The following SLC6A13 variants were observed in gnomAD, a reference collection of about 807,000 sequenced individuals.
SLC6A13 encodes the protein sodium- and chloride-dependent GABA transporter 2.
SLC6A13 carries 69 observed loss-of-function variants against 72.9 expected under a neutral mutation model. The ratio of observed to expected loss-of-function variants is 0.95; its 90% confidence interval spans 0.78 to 1.16. The LOEUF is 1.16. Ranked by LOEUF, SLC6A13 falls within the 50% of genes most tolerant of loss-of-function variation. The pLI, the probability that SLC6A13 is intolerant of heterozygous loss-of-function variation, is 0.00. For synonymous variants in SLC6A13, 303 were observed against 303.0 expected (o/e 1.00, Z 0.00); for missense variants, 735 against 760.5 (o/e 0.97, Z 0.39).
chr12:259,256 C>T, intron 2 of SLC6A13: 1 of 987,638 alleles, frequency 1.0e-6, no homozygotes. Flanking sequence ...AGCAGAGCTA[C>T]TACTTATTAC....
chr12:240,495 G>GC (rs1252268566), intron 4 of SLC6A13, among the ~76,000 whole-genome samples: 1 of 152,202 alleles, frequency 6.6e-6, no homozygotes, highest in African/African-American at 2.4e-5. Context: ...GTGAGCCACC[G>GC]CCCCCAGACT....
chr12:250,173 C>G lies in SLC6A13; in HGVS notation c.203-6360G>C, dbSNP rs78050374. On this transcript the variant is annotated intron_variant, in intron 2 of 14. Coordinates refer to ENST00000343164, the MANE Select transcript of SLC6A13 (RefSeq NM_016615.5). ...TGATAGAGGGCATCTACAAAAAAAC[C>G]CTACAGCTAACATCATACTTAATTG... Among the ~76,000 whole-genome samples, 977 of 152,076 alleles carry G rather than the reference C, an allele frequency of 6.4e-3. 13 individuals are homozygous for G. The highest frequency in any genetic ancestry group is 0.016 in the South Asian group (77 of 4,816).
intron 2 of SLC6A13, among the ~76,000 whole-genome samples, chr12:246,773 C>T (rs1038953678): frequency 2.1e-4 from 32 of 151,950 alleles, no homozygotes; most frequent in Non-Finnish European, 8.8e-5. Flanking sequence ...TTTGGGAAGC[C>T]GAGGCAGGTG....
chr12:242,298 T>C (rs919819370), intron 4 of SLC6A13, among the ~76,000 whole-genome samples: 1 of 152,118 alleles, frequency 6.6e-6, no homozygotes, highest in African/African-American at 2.4e-5. Flanking sequence ...AGAGAGAAGA[T>C]ACGCGAAACA....
chr12:259,663 C>A, intron 2 of SLC6A13, 188 bp downstream of exon 2: 1 of 1,452,938 alleles, frequency 6.9e-7, no homozygotes, highest in Non-Finnish European at 9.0e-7. Context: ...ATAGAAAGAG[C>A]CCTGGGATAG....
At chr12:231,042 C>T (rs922375089) in intron 7 of SLC6A13, among the ~76,000 whole-genome samples, 11 of 152,232 alleles carry the variant, frequency 7.2e-5, no homozygotes, top group South Asian at 2.1e-4. Context: ...AAAGCTTCCA[C>T]GAGGGTTCTT....
At chr12:243,539 A>G in intron 3 of SLC6A13, 140 bp downstream of exon 3, 1 of 788,380 alleles carries the variant, frequency 1.3e-6, no homozygotes, top group Non-Finnish European at 2.0e-6. Context: ...CTCAGTATGC[A>G]GCCCACAAAC....
At chr12:243,249 A>G (rs580420) in intron 3 of SLC6A13, among the ~76,000 whole-genome samples, 44,943 of 152,088 alleles carry the variant, frequency 0.3, 7,014 homozygotes, top group East Asian at 0.46. Flanking sequence ...TCCTGACCTC[A>G]GGTGATCCAC....
chr12:239,951 T>G (rs1942105758), intron 4 of SLC6A13, among the ~76,000 whole-genome samples: 1 of 152,128 alleles, frequency 6.6e-6, no homozygotes, highest in South Asian at 2.1e-4. Flanking sequence ...AATACTCAGG[T>G]ATTTAATGTG....
Position 220,857 on chromosome 12 carries a change from G to A in SLC6A13, c.*91C>T. On this transcript the variant is annotated 3_prime_UTR_variant, in exon 15 of 15. Coordinates refer to ENST00000343164, the MANE Select transcript of SLC6A13 (RefSeq NM_016615.5). Reference sequence around the variant, plus strand: ...CTTGTCTTATCCACTCCAGGTCGGGGGCAGGGAAGCACATGGGGCTGCTTC... The same window carrying A: ...CTTGTCTTATCCACTCCAGGTCGGGAGCAGGGAAGCACATGGGGCTGCTTC... The A allele has an allele frequency of 6.6e-7, 1 of 1,525,646 alleles. No individual in the cohort carries two copies. The highest frequency in any genetic ancestry group is 8.9e-7 in the Non-Finnish European group (1 of 1,124,028). The allele number at this position is 1,525,646 out of a possible 1,614,324, so 94.5% of individuals were successfully genotyped here. A position where few individuals can be genotyped will look rare whatever the true frequency, so the allele number is the denominator to read the frequency against.
In SLC6A13 at chr12:237,244, G is replaced by A; in HGVS notation, c.610C>T (p.Leu204=). The A allele has an allele frequency of 6.2e-7, 1 of 1,613,886 alleles. No homozygotes were observed. Among genetic ancestry groups the A allele is most frequent in the Non-Finnish European group, 8.5e-7 (1 of 1,179,864 alleles). Residue 204 remains leucine (L), a synonymous_variant, in exon 6 of 15, where the codon CTG becomes TTG. Transcript: ENST00000343164. ...AGGCACAGAGCCAGCTCCCAGCGCA[G>A]GGCCCCCAGGTGCTGGATCCCATCA... The part of the protein sequence containing the change: ...ISDGIQHLGA[L]RWELALCLLL...
chr12:258,576 G>A (rs1266804653), intron 2 of SLC6A13, among the ~76,000 whole-genome samples: 3 of 152,096 alleles, frequency 2.0e-5, no homozygotes, highest in Non-Finnish European at 2.9e-5. Context: ...AGACCTGGGA[G>A]CCCCAATCCT....
chr12:224,015 C>T lies in SLC6A13; in HGVS notation c.1288G>A (p.Val430Met). The change falls in exon 11 of 15, where the codon GTG becomes ATG. Residue 430 changes from valine (V) to methionine (M), a missense_variant. Coordinates refer to ENST00000343164, the MANE Select transcript of SLC6A13 (RefSeq NM_016615.5). ...ILGVSVVSFLVGLIMLTEGGM... is the reference protein window; with the variant it reads ...ILGVSVVSFLMGLIMLTEGGM... ...ACCTCTGTGAGCATGATCAGCCCCA[C>T]AAGGAAGGAGACGACAGATACTCCA... 6.2e-7 allele frequency: 1 copy of T among 1,613,496 alleles called. No homozygotes were observed. Among genetic ancestry groups the T allele is most frequent in the Non-Finnish European group, 8.5e-7 (1 of 1,179,826 alleles).
At chr12:243,928 T>C (rs1429172335) in intron 2 of SLC6A13, 115 bp from the exon 3 acceptor site, 5 of 924,716 alleles carry the variant, frequency 5.4e-6, no homozygotes, top group Admixed American at 2.4e-5. Context: ...GCAGAGAACA[T>C]GCAAAACTGC....
chr12:225,356 A>T (rs1308321250), intron 9 of SLC6A13, among the ~76,000 whole-genome samples: 1 of 152,196 alleles, frequency 6.6e-6, no homozygotes, highest in Non-Finnish European at 1.5e-5. Flanking sequence ...AACACTTAGA[A>T]AGTGAGACAC....
intron 9 of SLC6A13, 45 bp from the exon 10 acceptor site, chr12:224,558 T>A: frequency 6.6e-7 from 1 of 1,523,138 alleles, no homozygotes; most frequent in Non-Finnish European, 9.1e-7. Context: ...CCGGGCCAGC[T>A]CCAGGCTGTG....
At chr12:242,833 C>A in intron 3 of SLC6A13, 79 bp from the exon 4 acceptor site, 2 of 1,384,408 alleles carry the variant, frequency 1.4e-6, no homozygotes, top group Non-Finnish European at 9.9e-7. Context: ...ATGCGGGACG[C>A]TGAGGTGAGA....
intron 7 of SLC6A13, among the ~76,000 whole-genome samples, chr12:231,714 T>C (rs1485428738): frequency 6.6e-6 from 1 of 152,210 alleles, no homozygotes; most frequent in African/African-American, 2.4e-5. Context: ...GTCCCTGCAG[T>C]CACCCAGACA....
rs774399071 is a variant in SLC6A13, at chr12:226,374, C to T, written c.1060+16G>A. ...AACCAGGCTCACTGCCTCCAGGCCTCCCCAGTAACACTCACCTGACTCGGC... is the reference window on the plus strand; with the variant it reads ...AACCAGGCTCACTGCCTCCAGGCCTTCCCAGTAACACTCACCTGACTCGGC... On this transcript the variant is annotated intron_variant, in intron 9 of 14. Coordinates refer to ENST00000343164, the MANE Select transcript of SLC6A13 (RefSeq NM_016615.5). The T allele has an allele frequency of 1.9e-6, 3 of 1,613,540 alleles. No individual in the cohort carries two copies. The highest frequency in any genetic ancestry group is 2.2e-5 in the East Asian group (1 of 44,838).
Sources: gnomAD v4.1 joint callset for allele counts (sites outside exome capture counted in the v4.1 genomes callset) on GRCh38, gnomAD v4.1.1 for gene constraint, MANE v1.5 for transcripts, NCBI Gene and HGNC (gene_info 2026-07-23, HGNC 2026-07-21) for gene names.